ITGA8: variants seen among roughly 807,000 people sequenced by gnomAD.
The protein encoded by ITGA8 is integrin subunit alpha 8.
In ITGA8, 91 loss-of-function variants were observed where a neutral mutation model predicts 142.3. That is an observed-to-expected ratio of 0.64 (90% CI 0.54 to 0.76). ITGA8 has a LOEUF of 0.76. ITGA8 is among the 30% of genes least tolerant of loss of function. The pLI is 0.00. For missense variants in ITGA8, 1,406 were observed against 1,327.7 expected (o/e 1.06, Z -0.92); for synonymous variants, 505 against 485.2 (o/e 1.04, Z -0.54).
chr10:15,548,669 C>G, intron 26 of ITGA8, 101 bp from the exon 27 acceptor site: 1 of 664,550 alleles, frequency 1.5e-6, no homozygotes, highest in Non-Finnish European at 2.5e-6. Flanking sequence ...AAGTCATCAC[C>G]TTATGATAAA....
chr10:15,644,795 T>C (rs1039124759), intron 12 of ITGA8, among the ~76,000 whole-genome samples: 5 of 151,608 alleles, frequency 3.3e-5, no homozygotes, highest in Non-Finnish European at 5.9e-5. Context: ...CAACAAATAT[T>C]TATTAAGAGC....
intron 6 of ITGA8, among the ~76,000 whole-genome samples, chr10:15,676,200 C>T (rs950573757): frequency 6.6e-6 from 1 of 152,204 alleles, no homozygotes; most frequent in African/African-American, 2.4e-5. Flanking sequence ...GGTCCCTCTT[C>T]TCTTCACCTA....
At chr10:15,643,015 TA>T (rs1658497319) in intron 13 of ITGA8, among the ~76,000 whole-genome samples, 1 of 152,174 alleles carries the variant, frequency 6.6e-6, no homozygotes, top group South Asian at 2.1e-4. Flanking sequence ...ATCTTAAACA[TA>T]AAAGTGAAAA....
intron 15 of ITGA8, among the ~76,000 whole-genome samples, chr10:15,612,191 C>G (rs1290380767): frequency 6.6e-6 from 1 of 152,122 alleles, no homozygotes; most frequent in African/African-American, 2.4e-5. Context: ...GAAGAGGATG[C>G]TCTCCCGCCA....
intron 17 of ITGA8, among the ~76,000 whole-genome samples, chr10:15,606,664 T>C (rs1833202235): frequency 6.6e-6 from 1 of 152,154 alleles, no homozygotes; most frequent in South Asian, 2.1e-4. Context: ...CTGGAGCCAA[T>C]CTTTGGGTTC....
chr10:15,585,297 T>A (rs963591620), intron 23 of ITGA8, among the ~76,000 whole-genome samples: 1 of 152,228 alleles, frequency 6.6e-6, no homozygotes, highest in African/African-American at 2.4e-5. Context: ...TTTTCTAGTT[T>A]AACCTTCAAC....
intron 25 of ITGA8, among the ~76,000 whole-genome samples, chr10:15,568,766 G>A (rs7919096): frequency 0.13 from 19,053 of 152,134 alleles, 2,062 homozygotes; most frequent in East Asian, 0.31. Flanking sequence ...TATTTGTAAG[G>A]AAAATAACAA....
chr10:15,572,154 T>C, intron 25 of ITGA8, 57 bp downstream of exon 25: 1 of 1,429,700 alleles, frequency 7.0e-7, no homozygotes, highest in Non-Finnish European at 9.4e-7. Flanking sequence ...CAGTTTGTAT[T>C]TTTTTCATAC....
rs552219798 is a variant in ITGA8 at position 15,539,066 on chromosome 10, T to A, written c.2881-7915A>T. ...TGTAGCATTTCTGGAAGATATGTTGTATGCAAATATATAGGATATTTTGCA... is the reference window on the plus strand; with the variant it reads ...TGTAGCATTTCTGGAAGATATGTTGAATGCAAATATATAGGATATTTTGCA... On this transcript the variant is annotated intron_variant, in intron 27 of 29. Coordinates refer to ENST00000378076, the MANE Select transcript of ITGA8 (RefSeq NM_003638.3). Among the ~76,000 whole-genome samples, 3 of 151,744 alleles carry A rather than the reference T, an allele frequency of 2.0e-5. No individual in the cohort carries two copies. The South Asian group carries it at 6.3e-4, about 32-fold the overall frequency.
intron 13 of ITGA8, among the ~76,000 whole-genome samples, chr10:15,640,978 T>C (rs1178794485): frequency 6.6e-6 from 1 of 152,168 alleles, no homozygotes; most frequent in East Asian, 1.9e-4. Context: ...GAGCCAGATA[T>C]CTCTTCCCAG....
At chr10:15,667,839 T>C (rs1241382252) in intron 8 of ITGA8, among the ~76,000 whole-genome samples, 1 of 152,308 alleles carries the variant, frequency 6.6e-6, no homozygotes, top group East Asian at 1.9e-4. Flanking sequence ...TTGAGTGAGT[T>C]TCTTAATCCT....
intron 20 of ITGA8, among the ~76,000 whole-genome samples, chr10:15,599,105 C>T (rs908959290): frequency 1.3e-5 from 2 of 151,486 alleles, no homozygotes; most frequent in Non-Finnish European, 2.9e-5. Flanking sequence ...TTAAATCTCA[C>T]CTAAAGGTTA....
At chr10:15,517,275 C>A in intron 29 of ITGA8, 31 bp from the exon 30 acceptor site, 1 of 1,477,858 alleles carries the variant, frequency 6.8e-7, no homozygotes, top group African/African-American at 1.4e-5. Flanking sequence ...TATAAAATCA[C>A]GTCATTCTGG....
At chr10:15,620,658 C>T (rs1240493469) in intron 13 of ITGA8, among the ~76,000 whole-genome samples, 2 of 152,286 alleles carry the variant, frequency 1.3e-5, no homozygotes, top group East Asian at 1.9e-4. Context: ...TACTTATGCT[C>T]GGGACCTTAA....
intron 20 of ITGA8, among the ~76,000 whole-genome samples, chr10:15,602,737 C>CGA (rs371409597): frequency 2.0e-5 from 3 of 148,778 alleles, no homozygotes; most frequent in Non-Finnish European, 4.5e-5. Context: ...GACCCTGTCT[C>CGA]AAAAAAAAAA....
At chr10:15,564,526 A>T (rs1328549315) in intron 25 of ITGA8, among the ~76,000 whole-genome samples, 1 of 152,240 alleles carries the variant, frequency 6.6e-6, no homozygotes, top group Non-Finnish European at 1.5e-5. Context: ...CAATAAGGAA[A>T]TAATTGTTGG....
chr10:15,616,608 A>C (rs774650469), intron 13 of ITGA8, 49 bp from the exon 14 acceptor site: 3 of 1,505,198 alleles, frequency 2.0e-6, no homozygotes, highest in Non-Finnish European at 2.8e-6. Flanking sequence ...TATAGAAACA[A>C]TTTACTAAGT....
At chr10:15,634,705 G>A (rs1454117609) in intron 13 of ITGA8, among the ~76,000 whole-genome samples, 1 of 152,168 alleles carries the variant, frequency 6.6e-6, no homozygotes, top group Non-Finnish European at 1.5e-5. Flanking sequence ...TCACAGATTG[G>A]AAGAGAGTAA....
At chr10:15,526,805 A>G (rs1442884542) in intron 28 of ITGA8, among the ~76,000 whole-genome samples, 1 of 152,208 alleles carries the variant, frequency 6.6e-6, no homozygotes, top group African/African-American at 2.4e-5. Context: ...AGTGGTTTAG[A>G]TTTTCTTAAA....
Sources: allele counts gnomAD v4.1 joint callset (sites outside exome capture counted in the v4.1 genomes callset), GRCh38; gene constraint gnomAD v4.1.1; transcripts MANE v1.5; gene names NCBI Gene and HGNC (gene_info 2026-07-23, HGNC 2026-07-21).